The following AP3D1 variants were observed in gnomAD, a reference collection of about 807,000 sequenced individuals.
AP3D1 encodes the protein AP-3 complex subunit delta-1.
A neutral mutation model predicts 147.6 loss-of-function variants in AP3D1; 51 were observed. The ratio of observed to expected loss-of-function variants is 0.35; its 90% confidence interval spans 0.28 to 0.44. The LOEUF (loss-of-function observed/expected upper bound fraction) is 0.44. Ranked by LOEUF, AP3D1 falls within the 20% of genes least tolerant of loss-of-function variation. The pLI, the probability that AP3D1 is intolerant of heterozygous loss-of-function variation, is 1.00. For synonymous variants in AP3D1, 760 were observed against 663.0 expected (o/e 1.15, Z -2.25); for missense variants, 1,421 against 1,624.2 (o/e 0.87, Z 2.15).
chr19:2,124,996 TG>T, intron 9 of AP3D1, among the ~76,000 whole-genome samples: 1 of 151,766 alleles, frequency 6.6e-6, no homozygotes, highest in Admixed American at 6.6e-5. Context: ...TTGTGGGAGG[TG>T]GGGGGTGAGG....
At chr19:2,123,299 C>A in intron 11 of AP3D1, 59 bp downstream of exon 11, 1 of 1,548,800 alleles carries the variant, frequency 6.5e-7, no homozygotes, top group Non-Finnish European at 8.9e-7. Context: ...CTAGGAGGAC[C>A]CCTAACTTCA....
upstream of AP3D1, among the ~76,000 whole-genome samples, chr19:2,153,657 A>C (rs1003132044): frequency 5.9e-5 from 9 of 151,586 alleles, no homozygotes; most frequent in Admixed American, 5.9e-4. Context: ...CCTGGGAGAC[A>C]GAGCAAGATT....
At chr19:2,145,775 A>G (rs918754394) in intron 1 of AP3D1, among the ~76,000 whole-genome samples, 1 of 152,098 alleles carries the variant, frequency 6.6e-6, no homozygotes, top group Non-Finnish European at 1.5e-5. Flanking sequence ...ACACACACCA[A>G]GCCTTCTGCC....
intron 31 of AP3D1, among the ~76,000 whole-genome samples, chr19:2,107,131 C>CG (rs1391416754): frequency 1.9e-4 from 29 of 151,372 alleles, no homozygotes; most frequent in Non-Finnish European, 2.9e-5. Flanking sequence ...GATGTGGTGG[C>CG]GGGCGCTTGT....
chr19:2,132,635 C>T, intron 4 of AP3D1, 57 bp from the exon 5 acceptor site: 1 of 1,490,924 alleles, frequency 6.7e-7, no homozygotes, highest in Non-Finnish European at 9.3e-7. Flanking sequence ...ACATCCGACG[C>T]CTGGGTCACC....
chr19:2,124,578 T>C (rs1315338313), intron 9 of AP3D1, among the ~76,000 whole-genome samples: 1 of 152,208 alleles, frequency 6.6e-6, no homozygotes, highest in Non-Finnish European at 1.5e-5. Context: ...TGTGTGCGTG[T>C]GCGTGTGCAT....
At chr19:2,147,345 CAAAAAAA>C (rs71176517) in intron 1 of AP3D1, among the ~76,000 whole-genome samples, 2 of 80,272 alleles carry the variant, frequency 2.5e-5, no homozygotes, top group African/African-American at 1.0e-4. Flanking sequence ...AACTCTGTCT[CAAAAAAA>C]AAAAAAAAAA....
chr19:2,131,324 G>A (rs1415871365), intron 5 of AP3D1, among the ~76,000 whole-genome samples: 1 of 149,568 alleles, frequency 6.7e-6, no homozygotes, highest in Non-Finnish European at 1.5e-5. Context: ...CTAGACACCA[G>A]GTGGACAGGC....
chr19:2,108,450 G>C (rs1414979550), intron 31 of AP3D1, among the ~76,000 whole-genome samples: 1 of 152,180 alleles, frequency 6.6e-6, no homozygotes, highest in African/African-American at 2.4e-5. Context: ...GGGGCCCCTG[G>C]AGCCATGTGT....
intron 20 of AP3D1, 131 bp from the exon 21 acceptor site, chr19:2,114,952 G>A (rs964376527): frequency 1.9e-6 from 2 of 1,043,798 alleles, no homozygotes; most frequent in African/African-American, 1.6e-5. Context: ...GGCTCCACCA[G>A]AGGCTCCGCT....
intron 1 of AP3D1, among the ~76,000 whole-genome samples, chr19:2,149,745 C>G (rs552505758): frequency 6.6e-6 from 1 of 152,142 alleles, no homozygotes; most frequent in Non-Finnish European, 1.5e-5. Context: ...CCTGGCCCAT[C>G]GTCAGGGTCC....
upstream of AP3D1, among the ~76,000 whole-genome samples, chr19:2,156,171 T>C (rs1233008477): frequency 1.3e-5 from 2 of 152,100 alleles, no homozygotes; most frequent in Admixed American, 1.3e-4. Flanking sequence ...CAGAGAGCAG[T>C]GCTAGCCAGG....
chr19:2,158,260 A>T (rs972257605), intron 1 of AP3D1, among the ~76,000 whole-genome samples: 1 of 151,442 alleles, frequency 6.6e-6, no homozygotes, highest in South Asian at 2.1e-4. Context: ...GTTTCACCAC[A>T]TTAGCCAGGA....
At chr19:2,121,646 A>G in intron 12 of AP3D1, 88 bp downstream of exon 12, 1 of 1,481,714 alleles carries the variant, frequency 6.7e-7, no homozygotes, top group Non-Finnish European at 9.0e-7. Flanking sequence ...AGGGGACTCC[A>G]TGCATTCCAC....
At chr19:2,104,503 T>C (rs113327020) in intron 31 of AP3D1, among the ~76,000 whole-genome samples, 20,055 of 133,744 alleles carry the variant, frequency 0.15, 1,474 homozygotes, top group Middle Eastern at 0.19. Flanking sequence ...AAGACACCAA[T>C]GCCCAGACCC....
rs762951857 is a variant in AP3D1, at chr19:2,111,779, C to G, written c.2837G>C (p.Arg946Pro). 6.2e-7 allele frequency: 1 copy of G among 1,613,496 alleles called. No homozygotes were observed. Among genetic ancestry groups the G allele is most frequent in the Non-Finnish European group, 8.5e-7 (1 of 1,179,720 alleles). Residue 946 changes from arginine (R) to proline (P), a missense_variant, in exon 25 of 32, where the codon CGG (arginine) becomes CCG (proline). Arg to Pro is a moderately radical substitution (Grantham distance 103). Transcript: ENST00000643116. Reference protein sequence around the residue: ...KKKHRKEKEERTKGKKKSKKQ... With the variant: ...KKKHRKEKEEPTKGKKKSKKQ... ...CTTGGACTTCTTCTTGCCTTTGGTC[C>G]GCTCCTCCTTCTCCTTCCTGTGCTT... is the stretch of plus-strand genomic sequence containing the variant.
chr19:2,109,332 G>C (rs1355791040), intron 29 of AP3D1, 125 bp from the exon 30 acceptor site: 1 of 1,292,284 alleles, frequency 7.7e-7, no homozygotes. Flanking sequence ...TGGGCCGGGA[G>C]GTCTTGGGGG....
chr19:2,124,917 C>A (rs752413008), intron 9 of AP3D1, among the ~76,000 whole-genome samples: 10 of 152,212 alleles, frequency 6.6e-5, no homozygotes, highest in Admixed American at 1.3e-4. Context: ...CCAGCCTGGG[C>A]AACAAGAGAG....
intron 9 of AP3D1, among the ~76,000 whole-genome samples, chr19:2,125,922 G>A (rs1189487035): frequency 6.6e-6 from 1 of 151,956 alleles, no homozygotes. Context: ...CAAGGCAGGA[G>A]GATGGCTTGA....
Sources: allele counts gnomAD v4.1 joint callset (sites outside exome capture counted in the v4.1 genomes callset), GRCh38; gene constraint gnomAD v4.1.1; transcripts MANE v1.5; gene names NCBI Gene and HGNC (gene_info 2026-07-23, HGNC 2026-07-21).